Variants in EHBP1 observed in about 807,000 individuals in gnomAD.
EHBP1 encodes EH domain binding protein 1.
A neutral mutation model predicts 144.0 loss-of-function variants in EHBP1; 55 were observed. That is an observed-to-expected ratio of 0.38 (90% confidence interval 0.31 to 0.48). The LOEUF (loss-of-function observed/expected upper bound fraction) is 0.48. Among genes scored for constraint, EHBP1 ranks in the 20% least tolerant of loss-of-function variants. EHBP1 has a pLI of 0.98. For synonymous variants in EHBP1, 469 were observed against 472.7 expected (o/e 0.99, Z 0.10); for missense variants, 1,200 against 1,364.2 (o/e 0.88, Z 1.90).
In EHBP1 at chr2:62,947,328, CAAGT is replaced by C. The variant is rs1220392708; in HGVS notation, c.1414-926_1414-923del. ...ATTCAAACATAGCAATGTACTTTAA[CAAGT>C]AAGTACAGAAGACTGATTCATTCTC... On this transcript the variant is annotated intron_variant, in intron 12 of 22. Coordinates refer to ENST00000431489, the MANE Select transcript of EHBP1 (RefSeq NM_001142616.3). Among the ~76,000 whole-genome samples the C allele has an allele frequency of 2.0e-5, 3 of 152,158 alleles. No individual in the cohort carries two copies. The East Asian group carries it at 5.8e-4, about 29-fold the overall frequency.
intron 5 of EHBP1, among the ~76,000 whole-genome samples, chr2:62,797,070 A>G (rs541655058): frequency 6.6e-6 from 1 of 152,268 alleles, no homozygotes; most frequent in Admixed American, 6.5e-5. Flanking sequence ...ACCTTACTAA[A>G]TTATTTCTTT....
At chr2:62,882,714 C>T (rs993556642) in intron 10 of EHBP1, among the ~76,000 whole-genome samples, 1 of 152,160 alleles carries the variant, frequency 6.6e-6, no homozygotes. Flanking sequence ...GAAACCTCGT[C>T]TCTACTAAAA....
chr2:62,881,026 G>GTA (rs141279676), intron 10 of EHBP1, among the ~76,000 whole-genome samples: 22,632 of 151,436 alleles, frequency 0.15, 1,779 homozygotes, highest in African/African-American at 0.17. Context: ...TGAAAATGTG[G>GTA]TATATATATA....
chr2:62,972,422 T>C (rs2058540576), intron 14 of EHBP1, among the ~76,000 whole-genome samples: 1 of 152,146 alleles, frequency 6.6e-6, no homozygotes, highest in Non-Finnish European at 1.5e-5. Context: ...TCAATATTAT[T>C]GCAAAAAAGT....
At chr2:62,846,856 C>T (rs1220728729) in intron 7 of EHBP1, among the ~76,000 whole-genome samples, 1 of 152,104 alleles carries the variant, frequency 6.6e-6, no homozygotes, top group Non-Finnish European at 1.5e-5. Flanking sequence ...GAGAGATAAC[C>T]TGTGTTCATA....
chr2:62,755,137 C>G lies in EHBP1; in HGVS notation c.162+7685C>G, dbSNP rs2040154960. Among the ~76,000 whole-genome samples, 3 of 152,178 alleles carry G rather than the reference C, an allele frequency of 2.0e-5. No homozygotes were observed. The South Asian group carries it at 6.2e-4, about 31-fold the overall frequency. On this transcript the variant is annotated intron_variant, in intron 3 of 22. Coordinates refer to ENST00000431489, the MANE Select transcript of EHBP1 (RefSeq NM_001142616.3). ...TATTTGGCCATCTTGTAACCACCCC[C>G]ACTTTTTTCTTTTGTTCCTCTTCTA...
intron 2 of EHBP1, among the ~76,000 whole-genome samples, chr2:62,724,586 T>C (rs988736496): frequency 6.6e-6 from 1 of 152,210 alleles, no homozygotes; most frequent in Non-Finnish European, 1.5e-5. Context: ...TTGGTCCTTT[T>C]TCATCTTTAT....
intron 5 of EHBP1, among the ~76,000 whole-genome samples, chr2:62,809,507 A>G (rs879589563): frequency 6.6e-6 from 1 of 151,902 alleles, no homozygotes; most frequent in Non-Finnish European, 1.5e-5. Flanking sequence ...TGTTTTTATA[A>G]TTTCAATTTT....
chr2:62,942,704 T>A lies in EHBP1; in HGVS notation c.1186-14T>A. ...AAATTCTTTTAATGTTTTCCCCTTT[T>A]CATTTTTTTCTAGCCAAGCCCTATA... On this transcript the variant is annotated splice_polypyrimidine_tract_variant and intron_variant, in intron 10 of 22. Transcript: ENST00000431489. The A allele has an allele frequency of 1.9e-6, 3 of 1,559,380 alleles. No individual in the cohort carries two copies. Among genetic ancestry groups the A allele is most frequent in the Non-Finnish European group, 2.6e-6 (3 of 1,151,908 alleles).
intron 6 of EHBP1, 69 bp from the exon 7 acceptor site, chr2:62,830,950 T>A (rs912609323): frequency 2.0e-6 from 3 of 1,515,546 alleles, no homozygotes; most frequent in Non-Finnish European, 1.8e-6. Flanking sequence ...TTTATTGTTT[T>A]CTTAAGAAAC....
chr2:62,680,285 C>A (rs142722391), intron 1 of EHBP1, among the ~76,000 whole-genome samples: 1 of 152,228 alleles, frequency 6.6e-6, no homozygotes, highest in Admixed American at 6.5e-5. Flanking sequence ...TCATCCTCAT[C>A]CCTCACACTG....
At chr2:62,905,668 A>G (rs1000013121) in intron 10 of EHBP1, among the ~76,000 whole-genome samples, 37 of 152,062 alleles carry the variant, frequency 2.4e-4, no homozygotes, top group African/African-American at 8.2e-4. Flanking sequence ...CTACAAAAAT[A>G]CAAAAATTAG....
intron 13 of EHBP1, among the ~76,000 whole-genome samples, chr2:62,949,527 G>T (rs2057266839): frequency 6.6e-6 from 1 of 152,106 alleles, no homozygotes; most frequent in Non-Finnish European, 1.5e-5. Flanking sequence ...GAAAAAAATT[G>T]AAGGATAAAG....
chr2:63,030,056 G>T (rs2061167798), intron 19 of EHBP1, among the ~76,000 whole-genome samples: 1 of 152,096 alleles, frequency 6.6e-6, no homozygotes, highest in South Asian at 2.1e-4. Flanking sequence ...GGGTGTGGAT[G>T]CAATGTTCAT....
At chr2:62,733,568 T>G (rs959424068) in intron 2 of EHBP1, among the ~76,000 whole-genome samples, 1 of 152,190 alleles carries the variant, frequency 6.6e-6, no homozygotes, top group Non-Finnish European at 1.5e-5. Flanking sequence ...AGAAAGGAAG[T>G]CTAGAGGGTA....
intron 14 of EHBP1, among the ~76,000 whole-genome samples, chr2:62,973,884 A>T (rs1038379577): frequency 6.6e-6 from 1 of 152,112 alleles, no homozygotes; most frequent in Non-Finnish European, 1.5e-5. Context: ...CTGTGGTCCC[A>T]GCTACTCGGG....
At chr2:62,897,764 A>C (rs1223579538) in intron 10 of EHBP1, among the ~76,000 whole-genome samples, 1 of 152,178 alleles carries the variant, frequency 6.6e-6, no homozygotes, top group Non-Finnish European at 1.5e-5. Flanking sequence ...CTCCTAGAAA[A>C]TGGCATTGCC....
intron 2 of EHBP1, among the ~76,000 whole-genome samples, chr2:62,728,191 C>A (rs2037029294): frequency 6.6e-6 from 1 of 152,008 alleles, no homozygotes; most frequent in African/African-American, 2.4e-5. Flanking sequence ...TCCTGGAATT[C>A]TTTAAGTAAA....
intron 4 of EHBP1, among the ~76,000 whole-genome samples, chr2:62,767,833 C>CAAAAAAAAAAAAAAAAAAAACAAAA (rs1208266767): frequency 1.3e-5 from 1 of 76,422 alleles, no homozygotes; most frequent in Non-Finnish European, 2.4e-5. Context: ...AAGACTCTGT[C>CAAAAAAAAAAAAAAAAAAAACAAAA]AAAAAAAAAA....
Sources: allele counts gnomAD v4.1 joint callset (sites outside exome capture counted in the v4.1 genomes callset), GRCh38; gene constraint gnomAD v4.1.1; transcripts MANE v1.5; gene names NCBI Gene and HGNC (gene_info 2026-07-23, HGNC 2026-07-21).